Variants in GPC5 observed in about 807,000 individuals in gnomAD.
GPC5 encodes the protein glypican 5.
In GPC5, 47 loss-of-function variants were observed where a neutral mutation model predicts 53.9. The ratio of observed to expected loss-of-function variants is 0.87; its 90% confidence interval spans 0.69 to 1.11. The LOEUF (loss-of-function observed/expected upper bound fraction) is 1.11, where lower values mean the gene tolerates loss of function less well. GPC5 is among the 50% of genes most tolerant of loss of function. The pLI, the probability that GPC5 is intolerant of heterozygous loss-of-function variation, is 0.00. For synonymous variants in GPC5, 286 were observed against 263.3 expected, an observed-to-expected ratio of 1.09 and a Z score of -0.84; for missense variants, 748 against 713.1, an observed-to-expected ratio of 1.05 and a Z score of -0.56.
At chr13:91,578,307 G>A (rs1044631237) in intron 2 of GPC5, among the ~76,000 whole-genome samples, 8 of 152,196 alleles carry the variant, frequency 5.3e-5, no homozygotes, top group African/African-American at 1.9e-4. Flanking sequence ...CCAAATTCCT[G>A]ATCCACAAAA....
chr13:92,134,389 G>C (rs1263555349), intron 6 of GPC5, among the ~76,000 whole-genome samples: 1 of 151,982 alleles, frequency 6.6e-6, no homozygotes, highest in Non-Finnish European at 1.5e-5. Flanking sequence ...GTACATTTGG[G>C]GAAAACATAT....
chr13:92,311,613 G>A (rs754083362), intron 7 of GPC5, among the ~76,000 whole-genome samples: 3 of 152,148 alleles, frequency 2.0e-5, no homozygotes, highest in East Asian at 1.9e-4. Context: ...ACAAAGTCAC[G>A]TCTTACATGG....
At chr13:92,625,826 A>T (rs1885029087) in intron 7 of GPC5, among the ~76,000 whole-genome samples, 1 of 152,194 alleles carries the variant, frequency 6.6e-6, no homozygotes, top group Non-Finnish European at 1.5e-5. Flanking sequence ...GGTCCAAGGG[A>T]CAGAGGCATC....
intron 5 of GPC5, among the ~76,000 whole-genome samples, chr13:91,828,046 G>A (rs1379696906): frequency 6.6e-6 from 1 of 151,988 alleles, no homozygotes; most frequent in African/African-American, 2.4e-5. Flanking sequence ...TGGCTGAATA[G>A]CAAAAGCATT....
In GPC5 at chr13:91,822,690, T is replaced by G. The variant is rs552224691; in HGVS notation, c.1280+66270T>G. On this transcript the variant is annotated intron_variant, in intron 5 of 7. Coordinates refer to ENST00000377067, the MANE Select transcript of GPC5 (RefSeq NM_004466.6). ...GGTTCCTCCCATGACACGTGGGGAT[T>G]ATGGGAGCTATAATTCAAGATCAGA... Among the ~76,000 whole-genome samples the G allele has an allele frequency of 1.1e-4, 16 of 152,098 alleles. No homozygotes were observed. In the South Asian group the frequency reaches 2.9e-3, roughly 28 times the overall value.
intron 2 of GPC5, among the ~76,000 whole-genome samples, chr13:91,461,891 G>A (rs912115042): frequency 1.3e-5 from 2 of 152,104 alleles, no homozygotes; most frequent in Non-Finnish European, 2.9e-5. Context: ...CACATTGTGA[G>A]TGCTTAGGAT....
intron 7 of GPC5, among the ~76,000 whole-genome samples, chr13:92,795,455 A>T (rs1180396756): frequency 6.6e-6 from 1 of 152,192 alleles, no homozygotes; most frequent in African/African-American, 2.4e-5. Context: ...AGGCAATACC[A>T]TTCAGGATAT....
At chr13:91,875,502 A>G (rs1483292411) in intron 5 of GPC5, among the ~76,000 whole-genome samples, 1 of 152,198 alleles carries the variant, frequency 6.6e-6, no homozygotes, top group Non-Finnish European at 1.5e-5. Context: ...ACTACTTAAT[A>G]GGATGTTTTG....
At chr13:92,456,886 G>A (rs1878288493) in intron 7 of GPC5, among the ~76,000 whole-genome samples, 2 of 152,096 alleles carry the variant, frequency 1.3e-5, no homozygotes, top group Admixed American at 1.3e-4. Flanking sequence ...GTGTACATGT[G>A]CATGTTTGTT....
intron 2 of GPC5, among the ~76,000 whole-genome samples, chr13:91,451,943 AC>A: frequency 6.6e-6 from 1 of 152,022 alleles, no homozygotes; most frequent in East Asian, 1.9e-4. Flanking sequence ...AACAAAACAG[AC>A]AAAAATCTGC....
intron 3 of GPC5, among the ~76,000 whole-genome samples, chr13:91,723,615 T>C (rs1300982491): frequency 6.6e-6 from 1 of 152,086 alleles, no homozygotes; most frequent in East Asian, 1.9e-4. Flanking sequence ...TTACCTTATA[T>C]AGGGAGTCAA....
At chr13:92,261,884 A>G (rs747941846) in intron 7 of GPC5, among the ~76,000 whole-genome samples, 64 of 152,288 alleles carry the variant, frequency 4.2e-4, no homozygotes, top group Non-Finnish European at 7.4e-4. Context: ...GTATATCTAA[A>G]TCTTAAGTGC....
At chr13:92,395,314 A>C (rs1250673151) in intron 7 of GPC5, among the ~76,000 whole-genome samples, 1 of 152,160 alleles carries the variant, frequency 6.6e-6, no homozygotes, top group Non-Finnish European at 1.5e-5. Context: ...TAAATGTTCA[A>C]CTAATTTAAC....
intron 2 of GPC5, among the ~76,000 whole-genome samples, chr13:91,631,743 C>G (rs1594356842): frequency 6.6e-6 from 1 of 151,928 alleles, no homozygotes; most frequent in South Asian, 2.1e-4. Flanking sequence ...AAGGAGGAAC[C>G]AAAGAGTTTG....
At chr13:92,775,768 T>C (rs956186006) in intron 7 of GPC5, among the ~76,000 whole-genome samples, 2 of 152,228 alleles carry the variant, frequency 1.3e-5, no homozygotes, top group African/African-American at 2.4e-5. Flanking sequence ...AAAGTCCAAA[T>C]TGAATCATAT....
At position 92,381,859 on chromosome 13, in the gene GPC5, TTA is replaced by T. The variant is rs1214587175; in HGVS notation, c.1561+236878_1561+236879del. ...TTATATTGTATATGATCATATATGA[TTA>T]TATATATCATATATATGATTATATA... On this transcript the variant is annotated intron_variant, in intron 7 of 7. Coordinates refer to ENST00000377067, the MANE Select transcript of GPC5 (RefSeq NM_004466.6). Among the ~76,000 whole-genome samples, 27 of 135,572 alleles carry T rather than the reference TTA, an allele frequency of 2.0e-4. 4 individuals are homozygous for T. In the East Asian group the frequency reaches 2.4e-3, roughly 12 times the overall value. 88.9% of individuals were successfully genotyped at this position (135,572 alleles called of 152,430 possible). A position where few individuals can be genotyped will look rare whatever the true frequency, so the allele number is the denominator to read the frequency against.
intron 7 of GPC5, among the ~76,000 whole-genome samples, chr13:92,155,109 T>A (rs1325072976): frequency 6.6e-6 from 1 of 152,170 alleles, no homozygotes; most frequent in Non-Finnish European, 1.5e-5. Context: ...TATCAATATC[T>A]CTCTAGTGTA....
chr13:91,423,198 G>A (rs1203622153), intron 1 of GPC5, among the ~76,000 whole-genome samples: 1 of 152,152 alleles, frequency 6.6e-6, no homozygotes, highest in Non-Finnish European at 1.5e-5. Context: ...ACACATTACT[G>A]AATCAGACTT....
intron 2 of GPC5, among the ~76,000 whole-genome samples, chr13:91,658,143 T>C (rs2034892752): frequency 6.6e-6 from 1 of 152,104 alleles, no homozygotes; most frequent in Non-Finnish European, 1.5e-5. Context: ...GGCAAGCACA[T>C]TGAAAGGGAA....
Sources: gnomAD v4.1 joint callset for allele counts (sites outside exome capture counted in the v4.1 genomes callset) on GRCh38, gnomAD v4.1.1 for gene constraint, MANE v1.5 for transcripts, NCBI Gene and HGNC (gene_info 2026-07-23, HGNC 2026-07-21) for gene names.